CHST11: variants seen among roughly 807,000 people sequenced by gnomAD.
CHST11 encodes the protein carbohydrate sulfotransferase 11, also known as C4S-1.
A neutral mutation model predicts 30.4 loss-of-function variants in CHST11; 9 were observed. The ratio of observed to expected loss-of-function variants is 0.30; its 90% CI spans 0.18 to 0.52. CHST11 has a LOEUF of 0.52. Ranked by LOEUF, CHST11 falls within the 20% of genes least tolerant of loss-of-function variation. The pLI is 0.97. For synonymous variants in CHST11, 152 were observed against 187.8 expected (o/e 0.81, Z 1.56); for missense variants, 348 against 460.6 (o/e 0.76, Z 2.24).
At chr12:104,690,440 AT>A (rs1236584138) in intron 2 of CHST11, among the ~76,000 whole-genome samples, 1 of 152,192 alleles carries the variant, frequency 6.6e-6, no homozygotes, top group Non-Finnish European at 1.5e-5. Flanking sequence ...TCGATTTCTG[AT>A]CCCCTCTTAT....
chr12:104,670,312 A>G (rs895176461), intron 2 of CHST11, among the ~76,000 whole-genome samples: 1 of 152,110 alleles, frequency 6.6e-6, no homozygotes, highest in Non-Finnish European at 1.5e-5. Flanking sequence ...CTCTGAATCC[A>G]CCAGCAATCT....
chr12:104,578,558 A>G (rs2038707844), intron 1 of CHST11, among the ~76,000 whole-genome samples: 2 of 152,098 alleles, frequency 1.3e-5, no homozygotes, highest in South Asian at 4.1e-4. Context: ...TCTCTCTGGG[A>G]TGACAGCACG....
chr12:104,461,746 A>T (rs1248021689), intron 1 of CHST11, among the ~76,000 whole-genome samples: 1 of 152,164 alleles, frequency 6.6e-6, no homozygotes, highest in Non-Finnish European at 1.5e-5. Context: ...GAAAGATTAT[A>T]TCCTTTATTT....
intron 1 of CHST11, among the ~76,000 whole-genome samples, chr12:104,469,805 A>G (rs1176672999): frequency 6.6e-6 from 1 of 152,212 alleles, no homozygotes; most frequent in Non-Finnish European, 1.5e-5. Context: ...TAGGCCCGGC[A>G]TTCTTCAACC....
intron 2 of CHST11, among the ~76,000 whole-genome samples, chr12:104,737,981 C>T (rs1235886289): frequency 1.3e-5 from 2 of 152,158 alleles, no homozygotes; most frequent in African/African-American, 2.4e-5. Flanking sequence ...CATGAAAACC[C>T]ACCCCCCAGG....
chr12:104,687,367 G>A (rs6539165), intron 2 of CHST11, among the ~76,000 whole-genome samples: 476 of 152,328 alleles, frequency 3.1e-3, no homozygotes, highest in African/African-American at 0.011. Flanking sequence ...AATAGTGATG[G>A]TTAATAACAA....
chr12:104,640,644 A>G (rs539225658), intron 2 of CHST11, among the ~76,000 whole-genome samples: 1 of 152,330 alleles, frequency 6.6e-6, no homozygotes, highest in African/African-American at 2.4e-5. Flanking sequence ...TTTTTAGGAC[A>G]GAAAACTACT....
In CHST11 at chr12:104,457,275, C is replaced by G; in HGVS notation, c.-137C>G. The G allele has an allele frequency of 1.7e-6, 1 of 606,014 alleles. No homozygotes were observed. The highest frequency in any genetic ancestry group is 2.0e-5 in the South Asian group (1 of 50,212). The allele number at this position is 606,014 out of a possible 1,614,324, so 37.5% of individuals were successfully genotyped here. Reference sequence around the variant, plus strand: ...GGGGGCTCCGAGAGCGGCCGCGAAGCGACTCCGATCCTCCCTCTGAGCCTT... The same window carrying G: ...GGGGGCTCCGAGAGCGGCCGCGAAGGGACTCCGATCCTCCCTCTGAGCCTT... On this transcript the variant is annotated 5_prime_UTR_variant, in exon 1 of 3. Coordinates refer to ENST00000303694, the MANE Select transcript of CHST11 (RefSeq NM_018413.6).
At chr12:104,581,939 A>G (rs1416084905) in intron 1 of CHST11, among the ~76,000 whole-genome samples, 1 of 152,194 alleles carries the variant, frequency 6.6e-6, no homozygotes, top group East Asian at 1.9e-4. Flanking sequence ...CAAACACTCC[A>G]TCCAGGAGTT....
chr12:104,576,806 G>T (rs944220760), intron 1 of CHST11, among the ~76,000 whole-genome samples: 2 of 152,162 alleles, frequency 1.3e-5, no homozygotes, highest in African/African-American at 2.4e-5. Flanking sequence ...GATTTTGGGG[G>T]CCTAGGAATC....
At chr12:104,686,096 G>T (rs2039843497) in intron 2 of CHST11, among the ~76,000 whole-genome samples, 1 of 152,018 alleles carries the variant, frequency 6.6e-6, no homozygotes, top group South Asian at 2.1e-4. Context: ...AGCTGGGCAT[G>T]GTGGTGCATA....
At chr12:104,477,546 G>A (rs551249602) in intron 1 of CHST11, among the ~76,000 whole-genome samples, 127 of 152,210 alleles carry the variant, frequency 8.3e-4, no homozygotes, top group African/African-American at 2.8e-3. Flanking sequence ...TCTTTGGGAC[G>A]TGATTAGGTC....
chr12:104,708,717 C>G (rs909726756), intron 2 of CHST11, among the ~76,000 whole-genome samples: 1 of 152,184 alleles, frequency 6.6e-6, no homozygotes, highest in African/African-American at 2.4e-5. Context: ...TAGAAAACCA[C>G]AGTCTGGGCC....
chr12:104,533,758 G>T (rs1296513095), intron 1 of CHST11, among the ~76,000 whole-genome samples: 1 of 152,222 alleles, frequency 6.6e-6, no homozygotes, highest in Admixed American at 6.5e-5. Context: ...GTAGGAGCTG[G>T]TTGCAAGTGC....
chr12:104,663,322 T>A (rs2039613906), intron 2 of CHST11, among the ~76,000 whole-genome samples: 2 of 152,254 alleles, frequency 1.3e-5, no homozygotes, highest in Admixed American at 6.5e-5. Flanking sequence ...AGAGATTTCT[T>A]GCAATTTTTA....
At chr12:104,748,462 CT>C (rs2040405424) in intron 2 of CHST11, among the ~76,000 whole-genome samples, 1 of 151,442 alleles carries the variant, frequency 6.6e-6, no homozygotes, top group Non-Finnish European at 1.5e-5. Flanking sequence ...AAAATGAGGA[CT>C]TTTGAGTGGG....
At chr12:104,581,990 G>A (rs1164744624) in intron 1 of CHST11, among the ~76,000 whole-genome samples, 1 of 152,134 alleles carries the variant, frequency 6.6e-6, no homozygotes, top group Non-Finnish European at 1.5e-5. Flanking sequence ...GGAGGGAGGT[G>A]GAAAGGAAGT....
intron 1 of CHST11, among the ~76,000 whole-genome samples, chr12:104,541,719 A>G (rs2038288870): frequency 6.6e-6 from 1 of 152,216 alleles, no homozygotes; most frequent in Non-Finnish European, 1.5e-5. Context: ...GGGCAGTGCA[A>G]ATAACTTCAG....
chr12:104,670,490 C>G (rs10861267), intron 2 of CHST11, among the ~76,000 whole-genome samples: 1 of 150,198 alleles, frequency 6.7e-6, no homozygotes, highest in African/African-American at 2.5e-5. Context: ...CACACACTCA[C>G]ACTCATACAC....
Sources: allele counts gnomAD v4.1 joint callset (sites outside exome capture counted in the v4.1 genomes callset), GRCh38; gene constraint gnomAD v4.1.1; transcripts MANE v1.5; gene names NCBI Gene and HGNC (gene_info 2026-07-23, HGNC 2026-07-21).